Variants in PKNOX2 observed in about 807,000 individuals in gnomAD.
PKNOX2 encodes PBX/knotted 1 homeobox 2, also known as homeobox protein PKNOX2.
Under a neutral mutation model 53.1 loss-of-function variants are expected in PKNOX2, and 14 were observed. The ratio of observed to expected loss-of-function variants is 0.26; its 90% CI spans 0.17 to 0.41. The LOEUF (loss-of-function observed/expected upper bound fraction) is 0.41. Ranked by LOEUF, PKNOX2 falls within the 10% of genes least tolerant of loss-of-function variation. PKNOX2 has a pLI of 1.00. For synonymous variants in PKNOX2, 257 were observed against 242.8 expected (o/e 1.06, Z -0.54); for missense variants, 496 against 602.8 (o/e 0.82, Z 1.85).
At chr11:125,294,178 C>T (rs893273458) in intron 2 of PKNOX2, among the ~76,000 whole-genome samples, 2 of 152,142 alleles carry the variant, frequency 1.3e-5, no homozygotes, top group Non-Finnish European at 1.5e-5. Context: ...TAAGCAGAAA[C>T]ACAAATGATT....
intron 3 of PKNOX2, among the ~76,000 whole-genome samples, chr11:125,332,913 C>T (rs1369516510): frequency 6.6e-6 from 1 of 152,104 alleles, no homozygotes; most frequent in Non-Finnish European, 1.5e-5. Flanking sequence ...CAACAATGCT[C>T]GTCCTTCTTC....
intron 1 of PKNOX2, among the ~76,000 whole-genome samples, chr11:125,230,232 A>C (rs1004190569): frequency 6.6e-6 from 1 of 152,246 alleles, no homozygotes; most frequent in Non-Finnish European, 1.5e-5. Flanking sequence ...TGGATGCATA[A>C]GAGTCTCAGA....
At chr11:125,278,217 T>TAAAA (rs530102994) in intron 2 of PKNOX2, among the ~76,000 whole-genome samples, 5 of 82,830 alleles carry the variant, frequency 6.0e-5, no homozygotes, top group African/African-American at 1.8e-4. Context: ...AGACCCTGTC[T>TAAAA]AAAAAAAAAA....
chr11:125,199,923 A>C (rs1938237601), intron 1 of PKNOX2, among the ~76,000 whole-genome samples: 1 of 152,236 alleles, frequency 6.6e-6, no homozygotes, highest in African/African-American at 2.4e-5. Flanking sequence ...ACTGGACGAG[A>C]CAGGAGCAAC....
chr11:125,390,132 G>A (rs556970156), intron 6 of PKNOX2, among the ~76,000 whole-genome samples: 9 of 152,320 alleles, frequency 5.9e-5, no homozygotes, highest in Middle Eastern at 3.4e-3. Context: ...AATCCTCAAC[G>A]CTAGTAATAA....
At chr11:125,204,996 G>A (rs564716924) in intron 1 of PKNOX2, among the ~76,000 whole-genome samples, 1 of 152,200 alleles carries the variant, frequency 6.6e-6, no homozygotes, top group Non-Finnish European at 1.5e-5. Context: ...TGCGCACAGT[G>A]GTTGTTGACC....
At chr11:125,281,700 C>T (rs1946568558) in intron 2 of PKNOX2, among the ~76,000 whole-genome samples, 1 of 152,172 alleles carries the variant, frequency 6.6e-6, no homozygotes, top group Admixed American at 6.5e-5. Context: ...CCATGTGTTT[C>T]CTTTCCTGTA....
At chr11:125,183,727 C>T (rs1012209588) in intron 1 of PKNOX2, among the ~76,000 whole-genome samples, 1 of 133,608 alleles carries the variant, frequency 7.5e-6, no homozygotes, top group Non-Finnish European at 1.7e-5. Context: ...TTCTAAAATT[C>T]ACAAAAAGAG....
At chr11:125,397,790 C>T (rs568417742) in intron 6 of PKNOX2, 84 bp from the exon 7 acceptor site, 2 of 1,399,752 alleles carry the variant, frequency 1.4e-6, no homozygotes, top group South Asian at 2.7e-5. Context: ...GCTCCCCTCC[C>T]CTGGGGTGGT....
chr11:125,407,910 G>A (rs896841845), intron 7 of PKNOX2, among the ~76,000 whole-genome samples: 2 of 152,142 alleles, frequency 1.3e-5, no homozygotes, highest in Non-Finnish European at 2.9e-5. Flanking sequence ...TGAGGGTCCC[G>A]GTGTCACATG....
intron 2 of PKNOX2, among the ~76,000 whole-genome samples, chr11:125,252,874 A>T (rs1259752340): frequency 6.6e-6 from 1 of 152,154 alleles, no homozygotes; most frequent in Admixed American, 6.5e-5. Flanking sequence ...GCATCTGTCG[A>T]GTTCTTAAAA....
chr11:125,173,872 C>T (rs4572150), intron 1 of PKNOX2, among the ~76,000 whole-genome samples: 60,941 of 152,050 alleles, frequency 0.4, 13,321 homozygotes, highest in African/African-American at 0.58. Context: ...GAGTTTAGCC[C>T]GTTAGTGGTA....
chr11:125,312,804 C>A (rs1948900370), intron 2 of PKNOX2, among the ~76,000 whole-genome samples: 2 of 152,114 alleles, frequency 1.3e-5, no homozygotes, highest in South Asian at 4.2e-4. Context: ...TTACTGTCCG[C>A]CAGAGGGGCC....
chr11:125,194,371 G>T (rs537422915), intron 1 of PKNOX2, among the ~76,000 whole-genome samples: 1 of 152,194 alleles, frequency 6.6e-6, no homozygotes, highest in Non-Finnish European at 1.5e-5. Context: ...ATAACACAGC[G>T]AGTCTTTTCA....
At chr11:125,357,326 A>C (rs187470707) in intron 4 of PKNOX2, among the ~76,000 whole-genome samples, 3 of 152,188 alleles carry the variant, frequency 2.0e-5, no homozygotes, top group African/African-American at 7.2e-5. Context: ...CTCCAGGTCC[A>C]ACCGTGGGGC....
At chr11:125,405,190 G>T (rs1156266962) in intron 7 of PKNOX2, among the ~76,000 whole-genome samples, 3 of 152,240 alleles carry the variant, frequency 2.0e-5, no homozygotes, top group Non-Finnish European at 4.4e-5. Context: ...TCAGCTGGAA[G>T]GATCTTTGCC....
intron 1 of PKNOX2, among the ~76,000 whole-genome samples, chr11:125,231,087 G>A (rs1942165310): frequency 6.6e-6 from 1 of 152,144 alleles, no homozygotes; most frequent in Non-Finnish European, 1.5e-5. Context: ...GGAAACTGAG[G>A]CATACAGCGA....
At chr11:125,344,897 G>A (rs1046243188) in intron 3 of PKNOX2, among the ~76,000 whole-genome samples, 2 of 152,140 alleles carry the variant, frequency 1.3e-5, no homozygotes, top group Admixed American at 6.5e-5. Context: ...GAGTGAACAA[G>A]GATGTGAGAC....
intron 2 of PKNOX2, among the ~76,000 whole-genome samples, chr11:125,299,596 C>T (rs1947892367): frequency 6.6e-6 from 1 of 152,174 alleles, no homozygotes; most frequent in Middle Eastern, 3.2e-3. Context: ...TGAGCCTCAA[C>T]ATACTTGTTG....
Sources: allele counts gnomAD v4.1 joint callset (sites outside exome capture counted in the v4.1 genomes callset), GRCh38; gene constraint gnomAD v4.1.1; transcripts MANE v1.5; gene names NCBI Gene and HGNC (gene_info 2026-07-23, HGNC 2026-07-21).